NTN1: variants seen among roughly 807,000 people sequenced by gnomAD.
NTN1 encodes the protein netrin-1.
A neutral mutation model predicts 54.2 loss-of-function variants in NTN1; 11 were observed. The observed-to-expected ratio is 0.20, with a 90% confidence interval of 0.13 to 0.34. NTN1 has a LOEUF of 0.34. NTN1 is among the 10% of genes least tolerant of loss of function. The pLI is 1.00. For missense variants in NTN1, 740 were observed against 893.1 expected, an observed-to-expected ratio of 0.83 and a Z score of 2.18; for synonymous variants, 371 against 382.0, an observed-to-expected ratio of 0.97 and a Z score of 0.33.
chr17:9,032,766 G>GT (rs760699788), intron 2 of NTN1, among the ~76,000 whole-genome samples: 8 of 152,084 alleles, frequency 5.3e-5, no homozygotes, highest in Non-Finnish European at 1.2e-4. Context: ...TGGCCAGCTC[G>GT]TTTTCCTCTC....
Position 9,104,088 on chromosome 17 carries a change from C to CAAAAA in NTN1, c.1019-58706_1019-58702dup, listed in dbSNP as rs55732200. On this transcript the variant is annotated intron_variant, in intron 2 of 6. Coordinates refer to ENST00000173229, the MANE Select transcript of NTN1 (RefSeq NM_004822.3). ...TGGGCAACAGAGAGAGACTCCATCT[C>CAAAAA]AAAAAAAAAAAAAAAAAAAAAAAGA... Among the ~76,000 whole-genome samples, 198 of 70,762 alleles carry CAAAAA rather than the reference C, an allele frequency of 2.8e-3. 4 individuals carry two copies. The highest frequency in any genetic ancestry group is 4.5e-3 in the African/African-American group (75 of 16,752). 46.4% of individuals were successfully genotyped at this position (70,762 alleles called of 152,430 possible).
rs2092276754 is a variant in NTN1, at chr17:9,135,015, GC to G, written c.1019-27797del. Among the ~76,000 whole-genome samples, 1 of 152,078 alleles carries G rather than the reference GC, an allele frequency of 6.6e-6. No individual in the cohort carries two copies. The highest frequency in any genetic ancestry group is 1.5e-5 in the Non-Finnish European group (1 of 68,010). On this transcript the variant is annotated intron_variant, in intron 2 of 6. Coordinates refer to ENST00000173229, the MANE Select transcript of NTN1 (RefSeq NM_004822.3). This position sits in a 1 kb window ranked among gnomAD's most constrained non-coding sequence, Gnocchi z 4.4. The stretch of plus-strand genomic sequence containing the variant: ...CCTGAATGGACACCCCCATTGTCAT[GC>G]AGCTGACACCTCCAACCCCCATACC...
chr17:9,010,066 C>T, the NTN1 span, among the ~76,000 whole-genome samples: 1 of 152,200 alleles, frequency 6.6e-6, no homozygotes, highest in Non-Finnish European at 1.5e-5. Flanking sequence ...GTCTTGCCTC[C>T]CTGAATGGTG....
intron 2 of NTN1, among the ~76,000 whole-genome samples, chr17:9,153,188 GA>G (rs2092332520): frequency 1.3e-5 from 2 of 152,162 alleles, no homozygotes; most frequent in South Asian, 2.1e-4. Flanking sequence ...AGAATTGCTT[GA>G]ACCCGGGAGG....
At chr17:9,191,681 A>G (rs1904461275) in intron 5 of NTN1, among the ~76,000 whole-genome samples, 1 of 152,176 alleles carries the variant, frequency 6.6e-6, no homozygotes, top group Non-Finnish European at 1.5e-5. Context: ...GGCAATATGC[A>G]TAGGAAGCAT....
intron 2 of NTN1, among the ~76,000 whole-genome samples, chr17:9,145,916 C>CA (rs60504172): frequency 0.054 from 4,803 of 88,498 alleles, 146 homozygotes; most frequent in African/African-American, 0.073. Flanking sequence ...GACTCCATCT[C>CA]AAAAAAAAAA....
At chr17:9,226,720 T>C (rs1197995597) in intron 6 of NTN1, among the ~76,000 whole-genome samples, 1 of 152,144 alleles carries the variant, frequency 6.6e-6, no homozygotes, top group Admixed American at 6.5e-5. Flanking sequence ...TCGCGATTCC[T>C]GCCAGCTTCT....
chr17:9,170,299 A>G (rs1056248623), intron 3 of NTN1, among the ~76,000 whole-genome samples: 2 of 152,214 alleles, frequency 1.3e-5, no homozygotes, highest in Non-Finnish European at 2.9e-5. Context: ...CGTTCCATGT[A>G]TGGCAGCTAT....
At chr17:9,090,576 G>A (rs1475824333) in intron 2 of NTN1, among the ~76,000 whole-genome samples, 1 of 152,098 alleles carries the variant, frequency 6.6e-6, no homozygotes, top group African/African-American at 2.4e-5. Context: ...GCAGAAAGAG[G>A]GGGATACAGA....
intron 2 of NTN1, among the ~76,000 whole-genome samples, chr17:9,098,044 C>G (rs949415518): frequency 4.6e-5 from 7 of 151,992 alleles, no homozygotes; most frequent in Admixed American, 4.6e-4. Flanking sequence ...TCAGATGATT[C>G]TATTGAGCAG....
Position 9,226,162 on chromosome 17 carries a change from C to CGGGGGGG in NTN1, c.1486+4923_1486+4929dup, listed in dbSNP as rs71135953. Among the ~76,000 whole-genome samples, 5 of 116,522 alleles carry CGGGGGGG rather than the reference C, an allele frequency of 4.3e-5. No individual in the cohort carries two copies. The South Asian group carries it at 1.4e-3, about 32-fold the overall frequency. 76.4% of individuals were successfully genotyped at this position (116,522 alleles called of 152,430 possible). A position where few individuals can be genotyped will look rare whatever the true frequency, so the allele number is the denominator to read the frequency against. ...GAAGCAAGGCAAAGGGATTTGGGGT[C>CGGGGGGG]GGGGGGGGGCCTCAGTGCCAAGGCC... On this transcript the variant is annotated intron_variant, in intron 6 of 6. Transcript: ENST00000173229.
At chr17:9,062,444 T>TCTGACACA (rs1398962925) in intron 2 of NTN1, among the ~76,000 whole-genome samples, 4 of 152,330 alleles carry the variant, frequency 2.6e-5, no homozygotes, top group African/African-American at 7.2e-5. Context: ...ACTCGAGCTT[T>TCTGACACA]CTGACACATT....
the NTN1 span, among the ~76,000 whole-genome samples, chr17:9,011,064 T>C: frequency 1.5e-4 from 23 of 152,238 alleles, no homozygotes; most frequent in Non-Finnish European, 2.6e-4. Flanking sequence ...ATCCTTCTCA[T>C]GTGCAGTTCT....
In NTN1 at chr17:9,023,024, C is replaced by T; in HGVS notation, c.651C>T (p.Leu217=). The T allele has an allele frequency of 6.2e-7, 1 of 1,600,074 alleles. No individual in the cohort carries two copies. The highest frequency in any genetic ancestry group is 1.3e-5 in the African/African-American group (1 of 74,692). The change falls in exon 2 of 7, where the codon CTC becomes CTT. Residue 217 remains leucine, a synonymous_variant. Coordinates refer to ENST00000173229, the MANE Select transcript of NTN1 (RefSeq NM_004822.3). ...HTDMRPLSGG[L]IAFSTLDGRP... Reference sequence around the variant, plus strand: ...ACATGCGCCCGCTCTCGGGCGGCCTCATCGCCTTCAGCACGCTGGACGGGC... The same window carrying T: ...ACATGCGCCCGCTCTCGGGCGGCCTTATCGCCTTCAGCACGCTGGACGGGC...
chr17:9,126,213 A>G (rs1360085518), intron 2 of NTN1, among the ~76,000 whole-genome samples: 1 of 152,270 alleles, frequency 6.6e-6, no homozygotes, highest in Non-Finnish European at 1.5e-5. Context: ...CTAAGGAAAT[A>G]AAAAGAGAGA....
At chr17:9,121,988 A>G (rs2092232842) in intron 2 of NTN1, among the ~76,000 whole-genome samples, 1 of 151,686 alleles carries the variant, frequency 6.6e-6, no homozygotes, top group Admixed American at 6.6e-5. Context: ...AGGGGATATT[A>G]TCTTTCTCTG....
chr17:9,200,473 G>T (rs1904752097), intron 5 of NTN1, among the ~76,000 whole-genome samples: 1 of 152,258 alleles, frequency 6.6e-6, no homozygotes, highest in African/African-American at 2.4e-5. Context: ...ACGGATGGAG[G>T]CAGGTGCAGC....
chr17:9,130,656 A>G (rs1307317549), intron 2 of NTN1, among the ~76,000 whole-genome samples: 1 of 151,962 alleles, frequency 6.6e-6, no homozygotes, highest in Non-Finnish European at 1.5e-5. Context: ...TGGACACCCT[A>G]AACACCCCAG....
chr17:9,028,462 CCTT>C (rs1237374698), intron 2 of NTN1, among the ~76,000 whole-genome samples: 1 of 152,172 alleles, frequency 6.6e-6, no homozygotes, highest in African/African-American at 2.4e-5. Flanking sequence ...TCAGGGGAAA[CCTT>C]CTGGGGTGGG....
Sources: gnomAD v4.1 joint callset for allele counts (sites outside exome capture counted in the v4.1 genomes callset) on GRCh38, gnomAD v4.1.1 for gene constraint, Gnocchi (gnomAD v3.1) non-coding constraint, MANE v1.5 for transcripts, NCBI Gene and HGNC (gene_info 2026-07-23, HGNC 2026-07-21) for gene names.